Variants in TMEM139 observed in about 807,000 individuals in gnomAD.
TMEM139 encodes transmembrane protein 139.
A neutral mutation model predicts 15.9 loss-of-function variants in TMEM139; 9 were observed. The ratio of observed to expected loss-of-function variants is 0.57; its 90% CI spans 0.34 to 0.99. The LOEUF is 0.99. Ranked by LOEUF, TMEM139 falls within the 50% of genes least tolerant of loss-of-function variation. TMEM139 has a pLI of 0.02. For synonymous variants in TMEM139, 95 were observed against 110.5 expected (o/e 0.86, Z 0.88); for missense variants, 270 against 267.7 (o/e 1.01, Z -0.06).
In TMEM139 at chr7:143,286,043, TG is replaced by T. The variant is rs767655806; in HGVS notation, c.89del (p.Gly30AlafsTer2). The T allele has an allele frequency of 1.9e-6, 3 of 1,614,180 alleles. No individual in the cohort carries two copies. The highest frequency in any genetic ancestry group is 1.1e-5 in the South Asian group (1 of 91,088). On this transcript the variant is annotated frameshift_variant, in exon 2 of 3. Coordinates refer to ENST00000359333, the MANE Select transcript of TMEM139 (RefSeq NM_001282876.2). LOFTEE classifies it high-confidence loss of function. ...CASFLLGLAL[L>X]GIKTDITPVA... ...TCCTTCCTACTGGGGCTGGCTTTGC[TG>T]GGCATAAAGACGGACATCACCCCCG...
At position 143,286,933 on chromosome 7, in the gene TMEM139, C is replaced by T; in HGVS notation, c.*104C>T. ...TCAGAAACAAGTGTTTCTGCCTGGA[C>T]ATCATAAATGGGGACTTGGACCCTG... On this transcript the variant is annotated 3_prime_UTR_variant, in exon 3 of 3. Transcript: ENST00000359333. 1 of 1,337,808 alleles carries T rather than the reference C, an allele frequency of 7.5e-7. No homozygotes were observed. Among genetic ancestry groups the T allele is most frequent in the Non-Finnish European group, 1.0e-6 (1 of 983,314 alleles). 82.9% of individuals were successfully genotyped at this position (1,337,808 alleles called of 1,614,324 possible).
Position 143,285,996 on chromosome 7 carries a change from G to C in TMEM139, c.39G>C (p.Pro13=), listed in dbSNP as rs748466860. Residue 13 remains proline (P), a synonymous_variant, in exon 2 of 3, where the codon CCG becomes CCC. Coordinates refer to ENST00000359333, the MANE Select transcript of TMEM139 (RefSeq NM_001282876.2). ...PMHLLGRLEK[P]LLLLCCASFL... ...ACTTACTGGGGAGACTGGAGAAGCC[G>C]CTTCTCCTCCTGTGCTGCGCCTCCT... 1.2e-6 allele frequency: 2 copies of C among 1,614,150 alleles called. No homozygotes were observed. Among genetic ancestry groups the C allele is most frequent in the South Asian group, 2.2e-5 (2 of 91,072 alleles).
At chr7:143,285,470 C>A (rs1202247535) in intron 1 of TMEM139, 25 bp downstream of exon 1, 2 of 176,978 alleles carry the variant, frequency 1.1e-5, no homozygotes, top group Admixed American at 1.1e-4. Context: ...CTCCCCTCTT[C>A]TCTCTAACGG....
In TMEM139 at chr7:143,286,870, C is replaced by T. The variant is rs774465448; in HGVS notation, c.*41C>T. 3.4e-5 allele frequency: 51 copies of T among 1,519,996 alleles called. No individual in the cohort carries two copies. The highest frequency in any genetic ancestry group is 4.1e-5 in the Non-Finnish European group (46 of 1,131,764). The allele number at this position is 1,519,996 out of a possible 1,614,324, so 94.2% of individuals were successfully genotyped here. A position where few individuals can be genotyped will look rare whatever the true frequency, so the allele number is the denominator to read the frequency against. On this transcript the variant is annotated 3_prime_UTR_variant, in exon 3 of 3. Coordinates refer to ENST00000359333, the MANE Select transcript of TMEM139 (RefSeq NM_001282876.2). ...TTTCTCTTCTCTCCACACCAGACCT[C>T]GTTCATTTGACTAACATTTTCCAGC...
At chr7:143,286,281 G>A in intron 2 of TMEM139, 79 bp downstream of exon 2, 1 of 1,586,518 alleles carries the variant, frequency 6.3e-7, no homozygotes, top group South Asian at 1.1e-5. Context: ...CTGAGGCAGA[G>A]AGTCTCTGGT....
chr7:143,286,353 A>G (rs1801305505), intron 2 of TMEM139, 71 bp from the exon 3 acceptor site: 5 of 1,525,096 alleles, frequency 3.3e-6, no homozygotes, highest in Non-Finnish European at 4.4e-6. Flanking sequence ...TTTTGCCCAC[A>G]GCAGACAAAA....
rs756430292 is a variant in TMEM139 at position 143,286,436 on chromosome 7, C to T, written c.258C>T (p.Ala86=). ...TCTCTTCCCTCAGGGACAATGAAGCCTTTGAAGTGCCAGTCTATGAAGAGG... is the reference window on the plus strand; with the variant it reads ...TCTCTTCCCTCAGGGACAATGAAGCTTTTGAAGTGCCAGTCTATGAAGAGG... The part of the protein sequence containing the change: ...GPSGNARDNE[A]FEVPVYEEAV... Residue 86 remains alanine (A), a synonymous_variant, in exon 3 of 3, where the codon GCC becomes GCT. Transcript: ENST00000359333. 1 of 1,529,264 alleles carries T rather than the reference C, an allele frequency of 6.5e-7. No homozygotes were observed. The highest frequency in any genetic ancestry group is 2.2e-5 in the Admixed American group (1 of 45,008). The allele number at this position is 1,529,264 out of a possible 1,614,324, so 94.7% of individuals were successfully genotyped here.
Position 143,287,425 on chromosome 7 carries a change from G to C in TMEM139, c.*596G>C, listed in dbSNP as rs1801376445. 6.6e-6 allele frequency: 1 copy of C among 152,324 alleles called. No individual in the cohort carries two copies. Among genetic ancestry groups the C allele is most frequent in the African/African-American group, 2.4e-5 (1 of 41,446 alleles). The allele number at this position is 152,324 out of a possible 1,614,324, so 9.4% of individuals were successfully genotyped here. A position where few individuals can be genotyped will look rare whatever the true frequency, so the allele number is the denominator to read the frequency against. ...TGGAAGACTTCCTATAAACAGAATG[G>C]GCGACCAATTGTGTCTACAGAGGGG... On this transcript the variant is annotated 3_prime_UTR_variant, in exon 3 of 3. Transcript: ENST00000359333.
Position 143,286,972 on chromosome 7 carries a change from C to A in TMEM139, c.*143C>A. ...ACTTGGACCCTGAGGAGAGTCAGGC[C>A]ACGGTAAGCCCTTCCCAGCTGAGAT... On this transcript the variant is annotated 3_prime_UTR_variant, in exon 3 of 3. Coordinates refer to ENST00000359333, the MANE Select transcript of TMEM139 (RefSeq NM_001282876.2). 1 of 966,340 alleles carries A rather than the reference C, an allele frequency of 1.0e-6. No homozygotes were observed. Among genetic ancestry groups the A allele is most frequent in the Non-Finnish European group, 1.5e-6 (1 of 656,730 alleles). The allele number at this position is 966,340 out of a possible 1,614,324, so 59.9% of individuals were successfully genotyped here.
Position 143,286,097 on chromosome 7 carries a change from GCTT to G in TMEM139, c.147_149del (p.Phe49del), listed in dbSNP as rs756241602. ...GCTTATTTCTTTCTCACATTGGGTG[GCTT>G]CTTCTTGTTTGCCTATCTCCTGGTC... On this transcript the variant is annotated inframe_deletion, in exon 2 of 3. Coordinates refer to ENST00000359333, the MANE Select transcript of TMEM139 (RefSeq NM_001282876.2). 2.0e-5 allele frequency: 33 copies of G among 1,614,132 alleles called. No homozygotes were observed. The highest frequency in any genetic ancestry group is 2.5e-5 in the Non-Finnish European group (29 of 1,180,018).
Position 143,285,995 on chromosome 7 carries a change from C to T in TMEM139, c.38C>T (p.Pro13Leu), listed in dbSNP as rs1296816028. The change falls in exon 2 of 3, where the codon CCG becomes CTG. Residue 13 changes from proline to leucine, a missense_variant. Coordinates refer to ENST00000359333, the MANE Select transcript of TMEM139 (RefSeq NM_001282876.2). ...PMHLLGRLEK[P>L]LLLLCCASFL... ...CACTTACTGGGGAGACTGGAGAAGC[C>T]GCTTCTCCTCCTGTGCTGCGCCTCC... The T allele has an allele frequency of 2.5e-6, 4 of 1,613,988 alleles. No individual in the cohort carries two copies. Among genetic ancestry groups the T allele is most frequent in the Non-Finnish European group, 3.4e-6 (4 of 1,180,016 alleles).
In TMEM139 at chr7:143,286,459, A is replaced by C. The variant is rs1368142515; in HGVS notation, c.281A>C (p.Glu94Ala). Residue 94 changes from glutamate to alanine, a missense_variant, in exon 3 of 3, where the codon GAG becomes GCG. By Grantham distance (107) the Glu-to-Ala change is moderately radical (BLOSUM62 -1). Coordinates refer to ENST00000359333, the MANE Select transcript of TMEM139 (RefSeq NM_001282876.2). ...NEAFEVPVYE[E>A]AVVGLESQCR... Reference sequence around the variant, plus strand: ...GCCTTTGAAGTGCCAGTCTATGAAGAGGCCGTGGTGGGACTAGAATCCCAG... The same window carrying C: ...GCCTTTGAAGTGCCAGTCTATGAAGCGGCCGTGGTGGGACTAGAATCCCAG... The C allele has an allele frequency of 6.5e-7, 1 of 1,541,814 alleles. No individual in the cohort carries two copies. Among genetic ancestry groups the C allele is most frequent in the Non-Finnish European group, 8.7e-7 (1 of 1,148,168 alleles).
At position 143,287,054 on chromosome 7, in the gene TMEM139, T is replaced by C. The variant is rs1007576603; in HGVS notation, c.*225T>C. On this transcript the variant is annotated 3_prime_UTR_variant, in exon 3 of 3. Transcript: ENST00000359333. The stretch of plus-strand genomic sequence containing the variant: ...ATTTGGTGACCTACCCCATATCCAA[T>C]ATTTCCAGCGTTAGATTGAGGATGA... The C allele has an allele frequency of 2.9e-5, 14 of 487,670 alleles. No individual in the cohort carries two copies. The highest frequency in any genetic ancestry group is 4.4e-5 in the Non-Finnish European group (12 of 275,482). 30.2% of individuals were successfully genotyped at this position (487,670 alleles called of 1,614,324 possible). A position where few individuals can be genotyped will look rare whatever the true frequency, so the allele number is the denominator to read the frequency against.
intron 1 of TMEM139, 122 bp from the exon 2 acceptor site, chr7:143,285,819 T>C: frequency 7.4e-7 from 1 of 1,346,846 alleles, no homozygotes. Context: ...CTACAGATGA[T>C]TTATTTGAGA....
chr7:143,285,851 C>T, intron 1 of TMEM139, 90 bp from the exon 2 acceptor site: 1 of 1,528,882 alleles, frequency 6.5e-7, no homozygotes. Context: ...AGAAACCAAA[C>T]AAAGAAATAT....
intron 1 of TMEM139, 76 bp from the exon 2 acceptor site, chr7:143,285,865 A>G (rs369038693): frequency 3.6e-5 from 56 of 1,558,282 alleles, no homozygotes; most frequent in East Asian, 2.5e-4. Context: ...GAAATATCAT[A>G]TGGTTACTTT....
chr7:143,285,675 A>C, intron 1 of TMEM139: 1 of 452,560 alleles, frequency 2.2e-6, no homozygotes, highest in Non-Finnish European at 4.0e-6. Context: ...ACTACAGGGA[A>C]GGAGAAAGGA....
In TMEM139 at chr7:143,286,686, G is replaced by A. The variant is rs1490937003; in HGVS notation, c.508G>A (p.Ala170Thr). 2 of 1,614,200 alleles carry A rather than the reference G, an allele frequency of 1.2e-6. No homozygotes were observed. The highest frequency in any genetic ancestry group is 1.7e-6 in the Non-Finnish European group (2 of 1,180,050). Residue 170 changes from alanine to threonine, a missense_variant, in exon 3 of 3, where the codon GCT becomes ACT. Ala to Thr is a moderately conservative substitution (Grantham distance 58). Coordinates refer to ENST00000359333, the MANE Select transcript of TMEM139 (RefSeq NM_001282876.2). ...CAACCTTCGGCTTCGGGGACCACGG[G>A]CTGTGTCCACTGCTCCTGATCTGCA... is the stretch of plus-strand genomic sequence containing the variant. Reference protein sequence around the residue: ...PINLRLRGPRAVSTAPDLQSL... With the variant: ...PINLRLRGPRTVSTAPDLQSL...
rs796421505 is a variant in TMEM139 at position 143,286,370 on chromosome 7, G to C, written c.246-54G>C. The stretch of plus-strand genomic sequence containing the variant: ...TTGCCCACAGCAGACAAAAAAAAGG[G>C]AAAAAGGGCTTCTTTCATGGAAGCC... On this transcript the variant is annotated intron_variant, in intron 2 of 2. Coordinates refer to ENST00000359333, the MANE Select transcript of TMEM139 (RefSeq NM_001282876.2). The C allele has an allele frequency of 1.5e-5, 23 of 1,523,158 alleles. No homozygotes were observed. In the African/African-American group the frequency reaches 2.9e-4, roughly 19 times the overall value. The allele number at this position is 1,523,158 out of a possible 1,614,324, so 94.4% of individuals were successfully genotyped here.
Sources: allele counts gnomAD v4.1 joint callset, GRCh38; gene constraint gnomAD v4.1.1; transcripts MANE v1.5; gene names NCBI Gene and HGNC (gene_info 2026-07-23, HGNC 2026-07-21).